The following TIMD4 variants were observed in gnomAD, a reference collection of about 807,000 sequenced individuals.
The protein encoded by TIMD4 is T cell immunoglobulin and mucin domain containing 4, also known as T-cell immunoglobulin and mucin domain-containing protein 4.
A neutral mutation model predicts 41.2 loss-of-function variants in TIMD4; 31 were observed. That is an observed-to-expected ratio of 0.75 (90% CI 0.57 to 1.01). TIMD4 has a LOEUF of 1.01. Among genes scored for constraint, TIMD4 ranks in the 50% least tolerant of loss-of-function variants. TIMD4 has a pLI of 0.00. For missense variants in TIMD4, 479 were observed against 472.5 expected, an observed-to-expected ratio of 1.01 and a Z score of -0.13; for synonymous variants, 204 against 177.1, an observed-to-expected ratio of 1.15 and a Z score of -1.21.
chr5:156,946,107 ATGACCTC>A (rs921000415), intron 5 of TIMD4, among the ~76,000 whole-genome samples: 3 of 152,228 alleles, frequency 2.0e-5, no homozygotes, highest in Non-Finnish European at 2.9e-5. Context: ...TAAACATCAC[ATGACCTC>A]TTATTCCCTT....
At chr5:156,956,522 A>G (rs1486496625) in intron 1 of TIMD4, among the ~76,000 whole-genome samples, 1 of 152,246 alleles carries the variant, frequency 6.6e-6, no homozygotes, top group Non-Finnish European at 1.5e-5. Flanking sequence ...AGGCCAGTGC[A>G]TATGTACTTG....
intron 1 of TIMD4, among the ~76,000 whole-genome samples, chr5:156,960,405 C>G (rs1561556706): frequency 7.4e-6 from 1 of 135,264 alleles, no homozygotes; most frequent in Admixed American, 7.5e-5. Flanking sequence ...TTTCTTCCCC[C>G]TTTTTTTTTT....
intron 5 of TIMD4, among the ~76,000 whole-genome samples, chr5:156,928,188 T>C (rs546158667): frequency 1.3e-4 from 19 of 151,944 alleles, no homozygotes; most frequent in African/African-American, 2.9e-4. Flanking sequence ...GTCCCAGCTA[T>C]TGGGGAGGCT....
At chr5:156,926,122 T>G (rs1759343105) in intron 6 of TIMD4, 141 bp downstream of exon 6, 1 of 772,590 alleles carries the variant, frequency 1.3e-6, no homozygotes, top group Admixed American at 2.7e-5. Context: ...CAGGGTGATC[T>G]CAAATTTCTG....
chr5:156,930,176 A>G (rs1182427956), intron 5 of TIMD4, among the ~76,000 whole-genome samples: 3 of 152,090 alleles, frequency 2.0e-5, no homozygotes, highest in Non-Finnish European at 4.4e-5. Flanking sequence ...TGCCCAGACC[A>G]GTCTCAAACT....
chr5:156,961,844 A>G (rs1210873484), intron 1 of TIMD4, among the ~76,000 whole-genome samples: 1 of 149,924 alleles, frequency 6.7e-6, no homozygotes, highest in Non-Finnish European at 1.5e-5. Flanking sequence ...AAAGAAAGAA[A>G]AAAAAAAAGA....
intron 5 of TIMD4, among the ~76,000 whole-genome samples, chr5:156,929,740 G>A (rs1759414056): frequency 6.6e-6 from 1 of 152,066 alleles, no homozygotes; most frequent in Admixed American, 6.5e-5. Context: ...AAATTTCCGT[G>A]GTTTTAAGTT....
chr5:156,958,042 G>A (rs575913870), intron 1 of TIMD4, among the ~76,000 whole-genome samples: 15 of 152,138 alleles, frequency 9.9e-5, no homozygotes, highest in Non-Finnish European at 1.8e-4. Context: ...GGGAGGCGGA[G>A]GCAGGCAGAT....
intron 3 of TIMD4, among the ~76,000 whole-genome samples, chr5:156,950,137 T>C (rs1759827068): frequency 6.6e-6 from 1 of 151,946 alleles, no homozygotes; most frequent in Non-Finnish European, 1.5e-5. Flanking sequence ...TTCTAATTTA[T>C]CTAATTCTTT....
intron 1 of TIMD4, among the ~76,000 whole-genome samples, chr5:156,955,201 C>T (rs1013540930): frequency 6.6e-6 from 1 of 152,166 alleles, no homozygotes; most frequent in African/African-American, 2.4e-5. Context: ...AGTCTCTAAC[C>T]GTGGCAAGAC....
chr5:156,954,404 CG>C lies in TIMD4; in HGVS notation c.400+10del. ...CTCCTTCCGCAGGCATGAGGCCCTT[CG>C]TGTGCTTACCTCTCTGTAGATTCAG... is the stretch of plus-strand genomic sequence containing the variant. On this transcript the variant is annotated intron_variant, in intron 2 of 8. Transcript: ENST00000274532. 1 of 1,607,308 alleles carries C rather than the reference CG, an allele frequency of 6.2e-7. No individual in the cohort carries two copies. The highest frequency in any genetic ancestry group is 8.5e-7 in the Non-Finnish European group (1 of 1,176,494).
At chr5:156,950,607 TAG>T (rs1004594229) in intron 3 of TIMD4, among the ~76,000 whole-genome samples, 1 of 152,170 alleles carries the variant, frequency 6.6e-6, no homozygotes, top group African/African-American at 2.4e-5. Context: ...GAGTCTGACA[TAG>T]AGTGACAGCC....
Position 156,948,470 on chromosome 5 carries a change from A to C in TIMD4, c.790T>G (p.Ser264Ala). 6.4e-7 allele frequency: 1 copy of C among 1,558,474 alleles called. No individual in the cohort carries two copies. Among genetic ancestry groups the C allele is most frequent in the Non-Finnish European group, 8.7e-7 (1 of 1,151,638 alleles). The change falls in exon 5 of 9, where the codon TCC becomes GCC. Residue 264 changes from serine to alanine, a missense_variant. By Grantham distance (99) the Ser-to-Ala change is moderately conservative. Transcript: ENST00000274532. ...ESKVWDLPSTSHVSMWKTSDS... is the reference protein window; with the variant it reads ...ESKVWDLPSTAHVSMWKTSDS... ...CTCGTTTTCCACATTGACACGTGGG[A>C]TGTTGATGGGAGATCCCAAACTTTG... is the stretch of plus-strand genomic sequence containing the variant.
intron 7 of TIMD4, 75 bp from the exon 8 acceptor site, chr5:156,920,578 G>A (rs1345127815): frequency 6.0e-6 from 9 of 1,500,614 alleles, no homozygotes; most frequent in African/African-American, 5.5e-5. Context: ...GGGAATTCCA[G>A]TGCTGCCCCG....
chr5:156,952,367 G>A lies in TIMD4; in HGVS notation c.401-577C>T, dbSNP rs560026719. 2.0e-5 allele frequency among the ~76,000 whole-genome samples: 3 copies of A among 151,346 alleles called. No individual in the cohort carries two copies. The South Asian group carries it at 6.3e-4, about 32-fold the overall frequency. On this transcript the variant is annotated intron_variant, in intron 2 of 8. Coordinates refer to ENST00000274532, the MANE Select transcript of TIMD4 (RefSeq NM_138379.3). ...TTTACTGGGTCCTCCTTGCCCTTAA[G>A]ATAAAGAACCCAGTCCTGCACCTTG...
At chr5:156,949,441 C>T (rs1254816562) in intron 4 of TIMD4, among the ~76,000 whole-genome samples, 1 of 151,834 alleles carries the variant, frequency 6.6e-6, no homozygotes, top group African/African-American at 2.4e-5. Context: ...CCTCCTCCTC[C>T]TCCTCCTCCT....
intron 8 of TIMD4, 138 bp downstream of exon 8, chr5:156,920,326 T>C (rs1042815329): frequency 4.1e-6 from 4 of 971,862 alleles, no homozygotes; most frequent in Non-Finnish European, 3.1e-6. Context: ...CACAACTTTT[T>C]CACTTCTAAT....
At chr5:156,957,503 A>C in intron 1 of TIMD4, among the ~76,000 whole-genome samples, 1 of 67,716 alleles carries the variant, frequency 1.5e-5, no homozygotes, top group African/African-American at 5.6e-5. Context: ...ACAGAGCGAG[A>C]GTCTATCTCA....
intron 2 of TIMD4, 119 bp from the exon 3 acceptor site, chr5:156,951,909 G>A (rs1759868029): frequency 3.0e-6 from 4 of 1,344,876 alleles, no homozygotes; most frequent in East Asian, 4.6e-5. Context: ...TGGCCTGGAC[G>A]ATTGTAATGC....
Sources: gnomAD v4.1 joint callset for allele counts (sites outside exome capture counted in the v4.1 genomes callset) on GRCh38, gnomAD v4.1.1 for gene constraint, MANE v1.5 for transcripts, NCBI Gene and HGNC (gene_info 2026-07-23, HGNC 2026-07-21) for gene names.